Variants in NLGN1 observed in about 807,000 individuals in gnomAD.
NLGN1 encodes neuroligin-1.
NLGN1 carries 12 observed loss-of-function variants against 65.5 expected under a neutral mutation model. That is an observed-to-expected ratio of 0.18 (90% CI 0.12 to 0.30). NLGN1 has a LOEUF of 0.30. Ranked by LOEUF, NLGN1 falls within the 10% of genes least tolerant of loss-of-function variation. NLGN1 has a pLI of 1.00. For missense variants in NLGN1, 750 were observed against 1,007.1 expected (o/e 0.74, Z 3.46); for synonymous variants, 350 against 359.5 (o/e 0.97, Z 0.30).
intron 4 of NLGN1, among the ~76,000 whole-genome samples, chr3:174,207,999 G>A (rs1735748840): frequency 6.6e-6 from 1 of 152,068 alleles, no homozygotes; most frequent in South Asian, 2.1e-4. Flanking sequence ...CAAACCCCTT[G>A]ACACATTATA....
intron 4 of NLGN1, among the ~76,000 whole-genome samples, chr3:174,073,065 C>T (rs902873206): frequency 1.3e-5 from 2 of 151,928 alleles, no homozygotes; most frequent in African/African-American, 4.8e-5. Context: ...TAAATAACTC[C>T]TTAGGCTATG....
At chr3:173,421,860 G>T (rs1035852796) in intron 1 of NLGN1, among the ~76,000 whole-genome samples, 1 of 152,006 alleles carries the variant, frequency 6.6e-6, no homozygotes, top group Non-Finnish European at 1.5e-5. Flanking sequence ...GCTATGTCTC[G>T]TTAGGCTTCT....
At chr3:173,964,164 C>T (rs1295283762) in intron 4 of NLGN1, among the ~76,000 whole-genome samples, 1 of 152,020 alleles carries the variant, frequency 6.6e-6, no homozygotes, top group Non-Finnish European at 1.5e-5. Context: ...AGACGTAGGG[C>T]AGACAGATGA....
intron 3 of NLGN1, among the ~76,000 whole-genome samples, chr3:173,754,297 C>T (rs933624744): frequency 1.3e-5 from 2 of 152,036 alleles, no homozygotes; most frequent in Non-Finnish European, 2.9e-5. Context: ...CCGCCTTGGG[C>T]TTCCAAAGTG....
chr3:173,827,085 T>G (rs1721488645), intron 4 of NLGN1, among the ~76,000 whole-genome samples: 1 of 152,052 alleles, frequency 6.6e-6, no homozygotes, highest in Non-Finnish European at 1.5e-5. Context: ...TGCAACTACC[T>G]GAGCAGCCAT....
chr3:173,491,564 G>A lies in NLGN1; in HGVS notation c.-321+56486G>A, dbSNP rs576941561. Among the ~76,000 whole-genome samples the A allele has an allele frequency of 1.9e-3, 289 of 151,734 alleles. 6 individuals are homozygous for A. The highest frequency in any genetic ancestry group is 6.9e-3 in the African/African-American group (284 of 41,160). On this transcript the variant is annotated intron_variant, in intron 2 of 6. Coordinates refer to ENST00000457714, the Ensembl canonical transcript of NLGN1. The stretch of plus-strand genomic sequence containing the variant: ...TATTGGTCTGAAATTCACTTTTTTT[G>A]TTGTGTATCTGCCAGGCTTTGGTGT...
intron 3 of NLGN1, among the ~76,000 whole-genome samples, chr3:173,731,141 G>A (rs772675971): frequency 6.6e-6 from 1 of 151,934 alleles, no homozygotes; most frequent in Non-Finnish European, 1.5e-5. Flanking sequence ...GAAAAATTTA[G>A]TACTATTTTA....
At chr3:173,504,365 T>C (rs540752960) in intron 2 of NLGN1, among the ~76,000 whole-genome samples, 2 of 152,130 alleles carry the variant, frequency 1.3e-5, no homozygotes, top group Non-Finnish European at 2.9e-5. Flanking sequence ...AACTGATAGC[T>C]CATATGTGTG....
At chr3:173,931,898 T>C (rs184254691) in intron 4 of NLGN1, among the ~76,000 whole-genome samples, 35 of 152,266 alleles carry the variant, frequency 2.3e-4, no homozygotes, top group Non-Finnish European at 1.2e-4. Context: ...GTATAAATTA[T>C]CTTGGAAGGT....
chr3:173,963,293 A>C (rs141561571), intron 4 of NLGN1, among the ~76,000 whole-genome samples: 1,811 of 150,912 alleles, frequency 0.012, 14 homozygotes, highest in Non-Finnish European at 0.02. Flanking sequence ...AGAGCTTCTA[A>C]AATCTTATAA....
At chr3:173,978,435 G>T (rs979122219) in intron 4 of NLGN1, among the ~76,000 whole-genome samples, 1 of 152,028 alleles carries the variant, frequency 6.6e-6, no homozygotes, top group African/African-American at 2.4e-5. Flanking sequence ...TGTTGAGTAC[G>T]TAGATAAAAT....
At chr3:173,608,346 G>A (rs1751719921) in intron 3 of NLGN1, among the ~76,000 whole-genome samples, 2 of 151,704 alleles carry the variant, frequency 1.3e-5, no homozygotes, top group Non-Finnish European at 2.9e-5. Flanking sequence ...TTACAAAATG[G>A]AAAAGAAGAA....
At chr3:173,773,078 A>T (rs189134476) in intron 3 of NLGN1, among the ~76,000 whole-genome samples, 20 of 152,272 alleles carry the variant, frequency 1.3e-4, no homozygotes, top group Non-Finnish European at 2.5e-4. Context: ...AATCAGTGAA[A>T]GTGCCATTAT....
chr3:173,924,893 T>C (rs1742739116), intron 4 of NLGN1, among the ~76,000 whole-genome samples: 1 of 152,120 alleles, frequency 6.6e-6, no homozygotes, highest in South Asian at 2.1e-4. Flanking sequence ...AAATATTTAC[T>C]TGGTATATTT....
chr3:174,142,142 C>A (rs1722397343), intron 4 of NLGN1, among the ~76,000 whole-genome samples: 1 of 152,066 alleles, frequency 6.6e-6, no homozygotes, highest in Non-Finnish European at 1.5e-5. Flanking sequence ...TATATAGTAT[C>A]ATTTTGTATG....
At chr3:174,240,343 A>G (rs1415517668) in intron 4 of NLGN1, among the ~76,000 whole-genome samples, 1 of 152,152 alleles carries the variant, frequency 6.6e-6, no homozygotes, top group Non-Finnish European at 1.5e-5. Context: ...AAAGAAAGAT[A>G]TAAAATTGGA....
At chr3:174,152,953 C>T (rs777879522) in intron 4 of NLGN1, among the ~76,000 whole-genome samples, 23 of 152,094 alleles carry the variant, frequency 1.5e-4, no homozygotes, top group Non-Finnish European at 2.8e-4. Context: ...TTTTCATGCA[C>T]TTAGAATAAA....
intron 2 of NLGN1, among the ~76,000 whole-genome samples, chr3:173,559,389 C>T (rs141379013): frequency 2.1e-4 from 32 of 152,298 alleles, no homozygotes; most frequent in Middle Eastern, 6.8e-3. Flanking sequence ...CAGACCCTTT[C>T]TTGTGTCTGC....
At chr3:173,587,874 A>G (rs2149386726) in intron 2 of NLGN1, among the ~76,000 whole-genome samples, 1 of 150,958 alleles carries the variant, frequency 6.6e-6, no homozygotes, top group East Asian at 1.9e-4. Context: ...ACATTCAGGA[A>G]AAGCTAACAC....
Sources: allele counts gnomAD v4.1 joint callset (sites outside exome capture counted in the v4.1 genomes callset), GRCh38; gene constraint gnomAD v4.1.1; transcripts MANE v1.5; gene names NCBI Gene and HGNC (gene_info 2026-07-23, HGNC 2026-07-21).